The following CDK6 variants were observed in gnomAD, a reference collection of about 807,000 sequenced individuals.
CDK6 encodes cyclin dependent kinase 6, also known as cyclin-dependent kinase 6.
A neutral mutation model predicts 37.1 loss-of-function variants in CDK6; 6 were observed. That is an observed-to-expected ratio of 0.16 (90% CI 0.09 to 0.32). The LOEUF is 0.32. CDK6 is among the 10% of genes least tolerant of loss of function. CDK6 has a pLI of 1.00. For synonymous variants in CDK6, 160 were observed against 161.3 expected (o/e 0.99, Z 0.06); for missense variants, 224 against 418.9 (o/e 0.53, Z 4.06).
At chr7:92,794,392 C>A (rs559266343) in intron 2 of CDK6, among the ~76,000 whole-genome samples, 2 of 152,132 alleles carry the variant, frequency 1.3e-5, no homozygotes, top group Admixed American at 1.3e-4. Context: ...GCAAGAGAAC[C>A]CTCACTCTTA....
intron 4 of CDK6, among the ~76,000 whole-genome samples, chr7:92,722,802 G>A (rs1798398336): frequency 6.6e-6 from 1 of 152,216 alleles, no homozygotes; most frequent in South Asian, 2.1e-4. Flanking sequence ...AAGGCACTGT[G>A]TGTTAGGGCT....
In CDK6 at chr7:92,610,286, T is replaced by C; in HGVS notation, c.*4854A>G. Reference sequence around the variant, plus strand: ...GTGGCTCTTGTTTTCTTCCTAAGGCTAGACAAGGTAACAATATGTTGAAGG... The same window carrying C: ...GTGGCTCTTGTTTTCTTCCTAAGGCCAGACAAGGTAACAATATGTTGAAGG... On this transcript the variant is annotated 3_prime_UTR_variant, in exon 8 of 8. Transcript: ENST00000424848. The C allele has an allele frequency of 4.3e-6, 1 of 232,322 alleles. No homozygotes were observed. The highest frequency in any genetic ancestry group is 8.5e-6 in the Non-Finnish European group (1 of 117,518). The allele number at this position is 232,322 out of a possible 1,614,324, so 14.4% of individuals were successfully genotyped here. A position where few individuals can be genotyped will look rare whatever the true frequency, so the allele number is the denominator to read the frequency against.
At position 92,716,911 on chromosome 7, in the gene CDK6, T is replaced by C. The variant is rs370173069; in HGVS notation, c.537+8715A>G. Among the ~76,000 whole-genome samples the C allele has an allele frequency of 6.6e-5, 10 of 152,330 alleles. No individual in the cohort carries two copies. The East Asian group carries it at 1.3e-3, about 21-fold the overall frequency. On this transcript the variant is annotated intron_variant, in intron 4 of 7. Coordinates refer to ENST00000424848, the MANE Select transcript of CDK6 (RefSeq NM_001145306.2). ...ATGTAGGAGGCAAAATGTTTTTTCA[T>C]CTTCTGGATCCCTGAGAAGCCCTTT...
chr7:92,665,594 G>A (rs1796938572), intron 5 of CDK6, among the ~76,000 whole-genome samples: 1 of 152,068 alleles, frequency 6.6e-6, no homozygotes. Flanking sequence ...TATTTCCTAG[G>A]TATTTCATTT....
intron 4 of CDK6, among the ~76,000 whole-genome samples, chr7:92,688,869 G>A (rs1202464526): frequency 6.6e-6 from 1 of 152,098 alleles, no homozygotes; most frequent in African/African-American, 2.4e-5. Flanking sequence ...AAGAGGTCAC[G>A]CAGTCACATT....
At chr7:92,771,299 A>T (rs10241405) in intron 3 of CDK6, among the ~76,000 whole-genome samples, 4,068 of 150,842 alleles carry the variant, frequency 0.027, 155 homozygotes, top group African/African-American at 0.09. Flanking sequence ...CAAAAAAAAA[A>T]AAATAAATAA....
At position 92,615,079 on chromosome 7, in the gene CDK6, G is replaced by C. The variant is rs1057102070; in HGVS notation, c.*61C>G. 14 of 1,581,704 alleles carry C rather than the reference G, an allele frequency of 8.9e-6. No homozygotes were observed. The highest frequency in any genetic ancestry group is 1.2e-5 in the Non-Finnish European group (14 of 1,155,862). On this transcript the variant is annotated 3_prime_UTR_variant, in exon 8 of 8. Transcript: ENST00000424848. ...CACAGCTCTGTAGGGCTTGCTGAGG[G>C]GGACCCATAAGCCACCAAGGGTGTT... is the stretch of plus-strand genomic sequence containing the variant.
rs1795544401 is a variant in CDK6 at position 92,610,692 on chromosome 7, T to TA, written c.*4447dup. On this transcript the variant is annotated 3_prime_UTR_variant, in exon 8 of 8. Transcript: ENST00000424848. ...AGCATTTCTAATTACTCTAAGGACT[T>TA]ACATTTCTTGGCACACTTTGGTAGC... 8.8e-6 allele frequency: 2 copies of TA among 226,822 alleles called. No individual in the cohort carries two copies. Among genetic ancestry groups the TA allele is most frequent in the Non-Finnish European group, 1.8e-5 (2 of 114,124 alleles). The allele number at this position is 226,822 out of a possible 1,614,324, so 14.1% of individuals were successfully genotyped here. A position where few individuals can be genotyped will look rare whatever the true frequency, so the allele number is the denominator to read the frequency against.
At chr7:92,797,505 G>A (rs1405604938) in intron 2 of CDK6, among the ~76,000 whole-genome samples, 2 of 152,160 alleles carry the variant, frequency 1.3e-5, no homozygotes, top group Admixed American at 1.3e-4. Context: ...TTAGTGCCAG[G>A]TGGATACTGG....
chr7:92,631,207 C>T (rs769359704), intron 5 of CDK6, among the ~76,000 whole-genome samples: 4 of 152,186 alleles, frequency 2.6e-5, no homozygotes, highest in Admixed American at 1.3e-4. Context: ...GGGTAACCAA[C>T]GAGCCCAGTT....
At chr7:92,777,403 C>T (rs1404892518) in intron 2 of CDK6, among the ~76,000 whole-genome samples, 2 of 152,168 alleles carry the variant, frequency 1.3e-5, no homozygotes, top group South Asian at 2.1e-4. Context: ...TGGGCCACCA[C>T]GCCCAGCTAA....
intron 3 of CDK6, among the ~76,000 whole-genome samples, chr7:92,729,218 T>A (rs1007563120): frequency 3.3e-5 from 5 of 152,218 alleles, no homozygotes; most frequent in Non-Finnish European, 7.3e-5. Flanking sequence ...CAGTTTATAG[T>A]ATCGTGAGGC....
At chr7:92,648,713 TA>T (rs1796504304) in intron 5 of CDK6, among the ~76,000 whole-genome samples, 3 of 152,234 alleles carry the variant, frequency 2.0e-5, no homozygotes, top group Admixed American at 2.0e-4. Context: ...AGTGACCATC[TA>T]TAAGATGATC....
chr7:92,670,273 TG>T (rs768995823), intron 5 of CDK6, among the ~76,000 whole-genome samples: 12 of 152,228 alleles, frequency 7.9e-5, no homozygotes, highest in Non-Finnish European at 1.8e-4. Flanking sequence ...CTGTTTACTC[TG>T]ATCTCCTTGT....
chr7:92,718,564 C>A (rs1028039194), intron 4 of CDK6, among the ~76,000 whole-genome samples: 4 of 152,204 alleles, frequency 2.6e-5, no homozygotes, highest in South Asian at 2.1e-4. Context: ...GTGGTGCCAA[C>A]TGGGTGCCGT....
chr7:92,771,738 C>T (rs141770174), intron 3 of CDK6, among the ~76,000 whole-genome samples: 15 of 152,222 alleles, frequency 9.9e-5, no homozygotes, highest in African/African-American at 3.4e-4. Context: ...AATATCTGTA[C>T]GAGTATAGTC....
At chr7:92,809,873 G>C (rs1800828194) in intron 2 of CDK6, among the ~76,000 whole-genome samples, 1 of 152,138 alleles carries the variant, frequency 6.6e-6, no homozygotes, top group African/African-American at 2.4e-5. Context: ...GAGAAACCAG[G>C]AAGTGCTGAG....
At chr7:92,732,261 C>A (rs574046713) in intron 3 of CDK6, among the ~76,000 whole-genome samples, 165 of 152,102 alleles carry the variant, frequency 1.1e-3, no homozygotes, top group African/African-American at 3.8e-3. Flanking sequence ...CTACAAAAAA[C>A]AAAAAATTAG....
chr7:92,823,515 C>A (rs1041607495), intron 2 of CDK6, among the ~76,000 whole-genome samples: 1 of 140,258 alleles, frequency 7.1e-6, no homozygotes, highest in African/African-American at 2.6e-5. Context: ...AGGGAACTTA[C>A]ATAATTTGAA....
Sources: allele counts gnomAD v4.1 joint callset (sites outside exome capture counted in the v4.1 genomes callset), GRCh38; gene constraint gnomAD v4.1.1; transcripts MANE v1.5; gene names NCBI Gene and HGNC (gene_info 2026-07-23, HGNC 2026-07-21).